DIS3L2: variants seen among roughly 807,000 people sequenced by gnomAD.
DIS3L2 encodes DIS3 like 3'-5' exoribonuclease 2.
In DIS3L2, 34 loss-of-function variants were observed where a neutral mutation model predicts 97.5. The ratio of observed to expected loss-of-function variants is 0.35; its 90% CI spans 0.27 to 0.46. DIS3L2 has a LOEUF of 0.46. Among genes scored for constraint, DIS3L2 ranks in the 20% least tolerant of loss-of-function variants. The pLI is 1.00. For missense variants in DIS3L2, 1,038 were observed against 1,146.0 expected (o/e 0.91, Z 1.36); for synonymous variants, 435 against 445.2 (o/e 0.98, Z 0.29).
chr2:232,170,053 C>T (rs1297232893), intron 9 of DIS3L2, among the ~76,000 whole-genome samples: 1 of 152,136 alleles, frequency 6.6e-6, no homozygotes, highest in Non-Finnish European at 1.5e-5. Context: ...TCCCTGCTTG[C>T]ATGGCCTAGA....
intron 12 of DIS3L2, among the ~76,000 whole-genome samples, chr2:232,257,036 T>G (rs1009866918): frequency 6.6e-6 from 1 of 152,202 alleles, no homozygotes; most frequent in Non-Finnish European, 1.5e-5. Flanking sequence ...GAGAATTGCT[T>G]GAACCCAGGA....
At chr2:231,994,077 T>G (rs1200927022) in intron 1 of DIS3L2, among the ~76,000 whole-genome samples, 1 of 150,452 alleles carries the variant, frequency 6.6e-6, no homozygotes, top group Admixed American at 6.6e-5. Flanking sequence ...GATTTTTTGT[T>G]GGTTTTTTTT....
chr2:232,005,512 A>C (rs567528762), intron 1 of DIS3L2, among the ~76,000 whole-genome samples: 16 of 152,264 alleles, frequency 1.1e-4, no homozygotes, highest in African/African-American at 3.9e-4. Flanking sequence ...CCTGCATTGC[A>C]CCAACCCTGT....
At chr2:232,256,390 A>G (rs1031248265) in intron 12 of DIS3L2, among the ~76,000 whole-genome samples, 2 of 152,160 alleles carry the variant, frequency 1.3e-5, no homozygotes, top group East Asian at 1.9e-4. Context: ...CCATCTTCTC[A>G]TATCCTTCAA....
chr2:232,011,428 A>G (rs2106216288), intron 1 of DIS3L2, among the ~76,000 whole-genome samples: 1 of 151,648 alleles, frequency 6.6e-6, no homozygotes, highest in East Asian at 1.9e-4. Flanking sequence ...ATCTCAGCTC[A>G]CTGCAACCTC....
chr2:232,070,204 T>G (rs1465737804), intron 5 of DIS3L2, among the ~76,000 whole-genome samples: 2 of 152,200 alleles, frequency 1.3e-5, no homozygotes, highest in Non-Finnish European at 2.9e-5. Flanking sequence ...GGGCGGAGGT[T>G]GCAGTGAGCC....
Position 232,300,051 on chromosome 2 carries a change from T to C in DIS3L2, c.1671T>C (p.Ala557=). 6.2e-7 allele frequency: 1 copy of C among 1,613,718 alleles called. No homozygotes were observed. The highest frequency in any genetic ancestry group is 8.5e-7 in the Non-Finnish European group (1 of 1,179,668). The change falls in exon 14 of 21, where the codon GCT becomes GCC. Residue 557 remains alanine, a synonymous_variant. Transcript: ENST00000325385. ...CTCTCTCTCTTCAGCTAAAGCTTGCTTTCACTCTGGACCACGAGACCGGAT... is the reference window on the plus strand; with the variant it reads ...CTCTCTCTCTTCAGCTAAAGCTTGCCTTCACTCTGGACCACGAGACCGGAT... ...GALRLDQLKL[A]FTLDHETGLP...
intron 13 of DIS3L2, among the ~76,000 whole-genome samples, chr2:232,273,990 TAAG>T (rs1166237549): frequency 6.6e-6 from 1 of 152,176 alleles, no homozygotes; most frequent in African/African-American, 2.4e-5. Flanking sequence ...ATAATTCCCA[TAAG>T]ACAGAGGTTC....
intron 1 of DIS3L2, among the ~76,000 whole-genome samples, chr2:232,003,844 G>A (rs75329136): frequency 0.016 from 2,484 of 152,008 alleles, 69 homozygotes; most frequent in African/African-American, 0.057. Context: ...TTCTGTTTGA[G>A]GTATTTCTTT....
At chr2:232,215,799 T>G (rs1692316276) in intron 10 of DIS3L2, among the ~76,000 whole-genome samples, 1 of 152,124 alleles carries the variant, frequency 6.6e-6, no homozygotes, top group South Asian at 2.1e-4. Context: ...GTAGTTGTTT[T>G]AAAGAGCAAA....
rs986061890 is a variant in DIS3L2, at chr2:232,166,589, G to A, written c.1124+2957G>A. Among the ~76,000 whole-genome samples the A allele has an allele frequency of 2.6e-5, 4 of 151,966 alleles. No homozygotes were observed. The South Asian group carries it at 6.2e-4, about 24-fold the overall frequency. ...AAATTAGCTGGGCATAGTAGTACGC[G>A]CCTGTAGTCCCAGCTACTTAGGAGG... On this transcript the variant is annotated intron_variant, in intron 9 of 20. Coordinates refer to ENST00000325385, the MANE Select transcript of DIS3L2 (RefSeq NM_152383.5).
chr2:231,973,949 A>G (rs1038987018), intron 1 of DIS3L2, among the ~76,000 whole-genome samples: 1 of 152,218 alleles, frequency 6.6e-6, no homozygotes, highest in African/African-American at 2.4e-5. Context: ...GTTTTAATTA[A>G]GTAGACTAAG....
At chr2:232,081,374 G>A (rs753865596) in intron 5 of DIS3L2, among the ~76,000 whole-genome samples, 93 of 152,120 alleles carry the variant, frequency 6.1e-4, no homozygotes, top group Non-Finnish European at 2.2e-4. Context: ...ACGTTCATAC[G>A]TTATAAAACT....
At chr2:232,092,460 T>A (rs1381581797) in intron 6 of DIS3L2, among the ~76,000 whole-genome samples, 3 of 152,126 alleles carry the variant, frequency 2.0e-5, no homozygotes, top group African/African-American at 7.2e-5. Flanking sequence ...GGTATTTTGT[T>A]AGGGACTGCA....
intron 13 of DIS3L2, among the ~76,000 whole-genome samples, chr2:232,265,114 C>T (rs1693819771): frequency 6.6e-6 from 1 of 152,346 alleles, no homozygotes; most frequent in Admixed American, 6.5e-5. Flanking sequence ...CAGGTGGCTG[C>T]CTGATTGTCA....
chr2:232,016,798 G>A (rs958109753), intron 3 of DIS3L2, among the ~76,000 whole-genome samples: 2 of 152,034 alleles, frequency 1.3e-5, no homozygotes, highest in African/African-American at 4.8e-5. Context: ...AAAATGCTGT[G>A]TTCCATTTTC....
chr2:232,016,326 A>G (rs1292185747), intron 3 of DIS3L2, among the ~76,000 whole-genome samples: 1 of 152,216 alleles, frequency 6.6e-6, no homozygotes, highest in East Asian at 1.9e-4. Flanking sequence ...TGCCTTTGAC[A>G]TGGAGGTAGA....
chr2:232,142,878 C>T (rs1690104509), intron 8 of DIS3L2, among the ~76,000 whole-genome samples: 1 of 152,140 alleles, frequency 6.6e-6, no homozygotes, highest in Non-Finnish European at 1.5e-5. Context: ...GATTGTTCCC[C>T]ACTTGTACAT....
intron 8 of DIS3L2, among the ~76,000 whole-genome samples, chr2:232,161,503 C>T (rs1179818291): frequency 1.3e-5 from 2 of 152,188 alleles, no homozygotes; most frequent in East Asian, 3.8e-4. Context: ...TAGCATCTCG[C>T]TCTGTCGCCC....
Sources: gnomAD v4.1 joint callset for allele counts (sites outside exome capture counted in the v4.1 genomes callset) on GRCh38, gnomAD v4.1.1 for gene constraint, MANE v1.5 for transcripts, NCBI Gene and HGNC (gene_info 2026-07-23, HGNC 2026-07-21) for gene names.